Variants in EML1 observed in about 807,000 individuals in gnomAD.
The protein encoded by EML1 is echinoderm microtubule-associated protein-like 1.
EML1 carries 27 observed loss-of-function variants against 110.4 expected under a neutral mutation model. That is an observed-to-expected ratio of 0.24 (90% CI 0.18 to 0.34). EML1 has a LOEUF of 0.34. Ranked by LOEUF, EML1 falls within the 10% of genes least tolerant of loss-of-function variation. The pLI is 1.00. For synonymous variants in EML1, 344 were observed against 385.8 expected, an observed-to-expected ratio of 0.89 and a Z score of 1.27; for missense variants, 741 against 1,030.9, an observed-to-expected ratio of 0.72 and a Z score of 3.85.
At chr14:99,821,050 G>C (rs576009589) in intron 1 of EML1, among the ~76,000 whole-genome samples, 1 of 144,022 alleles carries the variant, frequency 6.9e-6, no homozygotes, top group Admixed American at 7.0e-5. Flanking sequence ...TTTGGAGACA[G>C]TGTCTTGCTC....
upstream of EML1, among the ~76,000 whole-genome samples, chr14:99,768,960 T>C (rs1335392739): frequency 1.3e-5 from 2 of 152,132 alleles, no homozygotes; most frequent in Non-Finnish European, 2.9e-5. Flanking sequence ...TCAGATGATC[T>C]GCCTGCCTTG....
intron 1 of EML1, among the ~76,000 whole-genome samples, chr14:99,756,965 G>A (rs879560486): frequency 3.4e-4 from 52 of 152,078 alleles, no homozygotes; most frequent in Admixed American, 7.2e-4. Flanking sequence ...ACAATGACAC[G>A]CAGTTCTACA....
chr14:99,854,031 AG>A (rs1165077378), intron 2 of EML1, among the ~76,000 whole-genome samples: 2 of 152,176 alleles, frequency 1.3e-5, no homozygotes, highest in Non-Finnish European at 2.9e-5. Context: ...TTTAATGCTT[AG>A]GTCTCACTCA....
At chr14:99,892,807 T>TA (rs2059609751) in intron 5 of EML1, among the ~76,000 whole-genome samples, 1 of 152,260 alleles carries the variant, frequency 6.6e-6, no homozygotes, top group Admixed American at 6.5e-5. Flanking sequence ...CTGCATTTTT[T>TA]ATGTGTTGTG....
intron 1 of EML1, among the ~76,000 whole-genome samples, chr14:99,831,737 C>T (rs1163844986): frequency 6.6e-6 from 1 of 151,920 alleles, no homozygotes; most frequent in Non-Finnish European, 1.5e-5. Context: ...TTTTTAATAT[C>T]CTGCCTCATT....
chr14:99,928,234 T>A (rs1595497777), intron 17 of EML1, among the ~76,000 whole-genome samples: 9 of 121,876 alleles, frequency 7.4e-5, no homozygotes, highest in Middle Eastern at 4.0e-3. Context: ...GTGGTGGTGG[T>A]GGTGGTGGTG....
At chr14:99,759,607 T>G (rs539613114) in intron 1 of EML1, among the ~76,000 whole-genome samples, 48 of 152,248 alleles carry the variant, frequency 3.2e-4, no homozygotes, top group African/African-American at 1.1e-3. Flanking sequence ...AGGAATCGGG[T>G]GCACCGTCCT....
chr14:99,926,868 C>G (rs1246491903), intron 17 of EML1, among the ~76,000 whole-genome samples: 1 of 151,994 alleles, frequency 6.6e-6, no homozygotes, highest in Non-Finnish European at 1.5e-5. Context: ...CTCAGCCTCC[C>G]GAGTAGCTGG....
intron 1 of EML1, among the ~76,000 whole-genome samples, chr14:99,818,784 A>G (rs1476146257): frequency 6.6e-6 from 1 of 152,170 alleles, no homozygotes; most frequent in African/African-American, 2.4e-5. Flanking sequence ...GGCTCAAGTC[A>G]GGAGAGAAGT....
intron 17 of EML1, among the ~76,000 whole-genome samples, chr14:99,932,792 C>T (rs1324031961): frequency 6.6e-6 from 1 of 151,792 alleles, no homozygotes; most frequent in Admixed American, 6.6e-5. Context: ...CTTAAATAGC[C>T]AATTGCGTTA....
At chr14:99,780,296 G>A (rs1273933599) in intron 1 of EML1, among the ~76,000 whole-genome samples, 1 of 152,066 alleles carries the variant, frequency 6.6e-6, no homozygotes, top group African/African-American at 2.4e-5. Flanking sequence ...AGTTTCTTAA[G>A]CAGACCCTCT....
intron 15 of EML1, chr14:99,915,553 G>A (rs1400492493): frequency 6.6e-6 from 1 of 151,892 alleles, no homozygotes; most frequent in African/African-American, 2.4e-5. Flanking sequence ...CACTGTGCGT[G>A]TATTATCCTT....
chr14:99,854,732 A>C (rs11847634), intron 2 of EML1, among the ~76,000 whole-genome samples: 13,477 of 152,192 alleles, frequency 0.089, 1,991 homozygotes, highest in African/African-American at 0.31. Context: ...TTACTCTTGG[A>C]TAGAATGACT....
chr14:99,851,369 G>A (rs1043985543), intron 2 of EML1, among the ~76,000 whole-genome samples: 4 of 151,670 alleles, frequency 2.6e-5, no homozygotes, highest in Non-Finnish European at 2.9e-5. Context: ...GTGCAGTGGC[G>A]CGATCTGGGC....
At chr14:99,750,481 C>T (rs2057163518) in intron 1 of EML1, among the ~76,000 whole-genome samples, 1 of 152,210 alleles carries the variant, frequency 6.6e-6, no homozygotes, top group South Asian at 2.1e-4. Flanking sequence ...GGCATTCAAG[C>T]TCGCCACCAA....
chr14:99,865,681 A>G (rs1336736353), intron 3 of EML1, 35 bp downstream of exon 3: 5 of 1,604,298 alleles, frequency 3.1e-6, no homozygotes, highest in Non-Finnish European at 4.3e-6. Flanking sequence ...TGAACTCTCA[A>G]AGCAGTTCTC....
intron 1 of EML1, among the ~76,000 whole-genome samples, chr14:99,741,881 G>C (rs2057046764): frequency 6.6e-6 from 1 of 152,162 alleles, no homozygotes; most frequent in Non-Finnish European, 1.5e-5. Context: ...GTGGCCCTGG[G>C]ATATGGGAAC....
rs186086446 is a variant in EML1 at position 99,833,493 on chromosome 14, T to C, written c.68-17360T>C. Among the ~76,000 whole-genome samples, 11 of 152,342 alleles carry C rather than the reference T, an allele frequency of 7.2e-5. No individual in the cohort carries two copies. In the East Asian group the frequency reaches 2.1e-3, roughly 29 times the overall value. ...TCACATTTCCATGTGCATTTTGGGATCTGCTATTGAGTTTCTACAAAAATC... is the reference window on the plus strand; with the variant it reads ...TCACATTTCCATGTGCATTTTGGGACCTGCTATTGAGTTTCTACAAAAATC... On this transcript the variant is annotated intron_variant, in intron 1 of 21. Transcript: ENST00000262233.
At chr14:99,892,569 G>A (rs2059605910) in intron 5 of EML1, among the ~76,000 whole-genome samples, 2 of 152,106 alleles carry the variant, frequency 1.3e-5, no homozygotes, top group African/African-American at 4.8e-5. Context: ...ATCCTAACCT[G>A]CCTGGAACAA....
Sources: gnomAD v4.1 joint callset for allele counts (sites outside exome capture counted in the v4.1 genomes callset) on GRCh38, gnomAD v4.1.1 for gene constraint, MANE v1.5 for transcripts, NCBI Gene and HGNC (gene_info 2026-07-23, HGNC 2026-07-21) for gene names.